Variants in CACHD1 observed in about 807,000 individuals in gnomAD.
CACHD1 encodes the protein cache domain containing 1.
CACHD1 carries 71 observed loss-of-function variants against 138.7 expected under a neutral mutation model. The observed-to-expected ratio is 0.51, with a 90% CI of 0.42 to 0.62. The LOEUF (loss-of-function observed/expected upper bound fraction) is 0.62. Among genes scored for constraint, CACHD1 ranks in the 20% least tolerant of loss-of-function variants. The pLI is 0.00. For missense variants in CACHD1, 1,389 were observed against 1,625.3 expected (o/e 0.85, Z 2.50); for synonymous variants, 578 against 591.5 (o/e 0.98, Z 0.33).
intron 1 of CACHD1, among the ~76,000 whole-genome samples, chr1:64,496,836 A>T (rs1018461752): frequency 4.0e-5 from 6 of 151,200 alleles, no homozygotes; most frequent in African/African-American, 1.5e-4. Flanking sequence ...ATTTCCTCAA[A>T]ACCTAGATTT....
intron 16 of CACHD1, among the ~76,000 whole-genome samples, chr1:64,670,485 G>A (rs961797701): frequency 1.2e-4 from 18 of 152,180 alleles, no homozygotes; most frequent in African/African-American, 4.1e-4. Flanking sequence ...TGGGTAAACT[G>A]CAAATTCTCA....
chr1:64,644,584 C>T (rs1648841603), intron 8 of CACHD1, among the ~76,000 whole-genome samples: 3 of 152,190 alleles, frequency 2.0e-5, no homozygotes. Context: ...TAATTCCGTA[C>T]TTTAGAGTCT....
chr1:64,647,985 G>T lies in CACHD1; in HGVS notation c.1341G>T (p.Met447Ile). The change falls in exon 9 of 27, where the codon ATG becomes ATT. Residue 447 changes from methionine (M) to isoleucine (I), a missense_variant. By Grantham distance (10) the Met-to-Ile change is conservative (BLOSUM62 1). Transcript: ENST00000651257. ...TCTACACAAACCTTCCCAACCGGAT[G>T]ATTGATGAAGCCGTCTTCAGCCTGC... ...GRFYTNLPNR[M>I]IDEAVFSLPF... 1 of 1,614,018 alleles carries T rather than the reference G, an allele frequency of 6.2e-7. No homozygotes were observed. Among genetic ancestry groups the T allele is most frequent in the Non-Finnish European group, 8.5e-7 (1 of 1,179,998 alleles).
chr1:64,646,638 A>G (rs150161479), intron 8 of CACHD1, among the ~76,000 whole-genome samples: 27 of 152,252 alleles, frequency 1.8e-4, no homozygotes, highest in Admixed American at 4.6e-4. Context: ...AGACTGAGGC[A>G]TGAGAATCGC....
intron 2 of CACHD1, among the ~76,000 whole-genome samples, chr1:64,552,051 T>C (rs1019916658): frequency 6.6e-6 from 1 of 152,232 alleles, no homozygotes; most frequent in Non-Finnish European, 1.5e-5. Flanking sequence ...GGCCATTTGA[T>C]AACATTTTAA....
At chr1:64,677,680 A>G (rs1319751550) in intron 22 of CACHD1, among the ~76,000 whole-genome samples, 1 of 152,230 alleles carries the variant, frequency 6.6e-6, no homozygotes, top group East Asian at 1.9e-4. Context: ...CTGACACTGC[A>G]TATATTCTCT....
At position 64,481,477 on chromosome 1, in the gene CACHD1, A is replaced by G. The variant is rs922375500; in HGVS notation, c.198+10535A>G. Among the ~76,000 whole-genome samples the G allele has an allele frequency of 3.3e-5, 5 of 152,358 alleles. 1 individual carries two copies. The highest frequency in any genetic ancestry group is 1.5e-5 in the Non-Finnish European group (1 of 68,042). ...TCATTAGGGATGTAAGTCTTGTTGC[A>G]TTAGCAGAGACTGACATTTTACTTC... On this transcript the variant is annotated intron_variant, in intron 1 of 26. Transcript: ENST00000651257.
At chr1:64,553,247 C>T (rs1646773268) in intron 2 of CACHD1, among the ~76,000 whole-genome samples, 1 of 152,116 alleles carries the variant, frequency 6.6e-6, no homozygotes, top group African/African-American at 2.4e-5. Flanking sequence ...GATGGTTCTC[C>T]CATGGGTTGA....
chr1:64,614,861 A>T (rs529400566), intron 4 of CACHD1, among the ~76,000 whole-genome samples: 5 of 152,246 alleles, frequency 3.3e-5, no homozygotes, highest in South Asian at 4.2e-4. Flanking sequence ...GAGACCCCCC[A>T]AAAGGTTTCC....
chr1:64,691,822 A>G lies in CACHD1; in HGVS notation c.*261A>G. On this transcript the variant is annotated 3_prime_UTR_variant, in exon 27 of 27. Transcript: ENST00000651257. ...AACAGACCTGCCATAACACTAATGG[A>G]AGGTAACAGAAGGCGAACCTCCAAA... is the stretch of plus-strand genomic sequence containing the variant. The G allele has an allele frequency of 2.2e-6, 1 of 454,278 alleles. No individual in the cohort carries two copies. The highest frequency in any genetic ancestry group is 4.0e-6 in the Non-Finnish European group (1 of 248,606). 28.1% of individuals were successfully genotyped at this position (454,278 alleles called of 1,614,324 possible).
chr1:64,682,713 G>A (rs560075889), intron 26 of CACHD1, among the ~76,000 whole-genome samples: 152 of 152,144 alleles, frequency 1.0e-3, no homozygotes, highest in Non-Finnish European at 1.8e-3. Flanking sequence ...CGAGTGCTAG[G>A]TAACTTATGA....
At chr1:64,581,145 C>T (rs572488735) in intron 2 of CACHD1, among the ~76,000 whole-genome samples, 1 of 152,210 alleles carries the variant, frequency 6.6e-6, no homozygotes, top group East Asian at 1.9e-4. Flanking sequence ...AATTGAGACC[C>T]TGAAAGCTAT....
intron 4 of CACHD1, among the ~76,000 whole-genome samples, chr1:64,623,963 C>T (rs1315722948): frequency 4.6e-5 from 7 of 152,152 alleles, no homozygotes; most frequent in Admixed American, 3.9e-4. Context: ...AGACACCAGC[C>T]CAAGTTATCC....
intron 7 of CACHD1, among the ~76,000 whole-genome samples, chr1:64,635,434 A>T (rs1249063026): frequency 7.8e-6 from 1 of 128,008 alleles, no homozygotes; most frequent in Non-Finnish European, 1.6e-5. Context: ...CCCAGCCTGG[A>T]GTGTGATCGC....
At chr1:64,556,980 G>A (rs1443704927) in intron 2 of CACHD1, among the ~76,000 whole-genome samples, 5 of 152,066 alleles carry the variant, frequency 3.3e-5, no homozygotes, top group East Asian at 3.9e-4. Flanking sequence ...TTAGCCGGGC[G>A]TGGTGGCGGG....
intron 8 of CACHD1, among the ~76,000 whole-genome samples, chr1:64,644,644 T>G (rs949171030): frequency 6.6e-5 from 10 of 152,246 alleles, no homozygotes; most frequent in African/African-American, 2.2e-4. Flanking sequence ...CTTCCTTTAA[T>G]CTAACCAGAC....
intron 2 of CACHD1, among the ~76,000 whole-genome samples, chr1:64,554,242 G>A (rs1056537329): frequency 5.9e-5 from 9 of 152,078 alleles, no homozygotes; most frequent in East Asian, 1.9e-4. Context: ...TCATACCTCC[G>A]TACATAGTAC....
chr1:64,521,972 A>C (rs575049595), intron 1 of CACHD1, among the ~76,000 whole-genome samples: 1 of 26,016 alleles, frequency 3.8e-5, no homozygotes, highest in South Asian at 1.5e-3. Context: ...TAATTTCGAC[A>C]AAGTTTATTT....
intron 3 of CACHD1, among the ~76,000 whole-genome samples, chr1:64,589,324 C>G (rs1647078453): frequency 6.6e-6 from 1 of 152,092 alleles, no homozygotes; most frequent in Non-Finnish European, 1.5e-5. Flanking sequence ...CCATCTTATT[C>G]AACCTCTTGA....
Sources: gnomAD v4.1 joint callset for allele counts (sites outside exome capture counted in the v4.1 genomes callset) on GRCh38, gnomAD v4.1.1 for gene constraint, MANE v1.5 for transcripts, NCBI Gene and HGNC (gene_info 2026-07-23, HGNC 2026-07-21) for gene names.